Variants in DDHD1 observed in about 807,000 individuals in gnomAD.
DDHD1 encodes DDHD domain containing 1.
Under a neutral mutation model 96.4 loss-of-function variants are expected in DDHD1, and 49 were observed. The ratio of observed to expected loss-of-function variants is 0.51; its 90% CI spans 0.40 to 0.64. The LOEUF (loss-of-function observed/expected upper bound fraction) is 0.64. Ranked by LOEUF, DDHD1 falls within the 30% of genes least tolerant of loss-of-function variation. DDHD1 has a pLI of 0.00. For synonymous variants in DDHD1, 442 were observed against 446.5 expected, an observed-to-expected ratio of 0.99 and a Z score of 0.13; for missense variants, 1,106 against 1,161.2, an observed-to-expected ratio of 0.95 and a Z score of 0.69.
chr14:53,153,171 C>T lies in DDHD1; in HGVS notation c.-73G>A. ...CCCAGCGCTTCCGCCACACATTCAACGCCGCCGCCCTCTCCACCCGAAGTT... is the reference window on the plus strand; with the variant it reads ...CCCAGCGCTTCCGCCACACATTCAATGCCGCCGCCCTCTCCACCCGAAGTT... On this transcript the variant is annotated 5_prime_UTR_variant, in exon 1 of 13. Transcript: ENST00000673822. The T allele has an allele frequency of 8.2e-7, 1 of 1,223,324 alleles. No individual in the cohort carries two copies. 75.8% of individuals were successfully genotyped at this position (1,223,324 alleles called of 1,614,324 possible). A position where few individuals can be genotyped will look rare whatever the true frequency, so the allele number is the denominator to read the frequency against.
chr14:53,139,446 C>T (rs985496874), intron 1 of DDHD1, among the ~76,000 whole-genome samples: 1 of 152,130 alleles, frequency 6.6e-6, no homozygotes, highest in Non-Finnish European at 1.5e-5. Flanking sequence ...GCCCTCTACT[C>T]GAAATGCAAG....
rs543744589 is a variant in DDHD1, at chr14:53,113,259, C to A, written c.839-9403G>T. On this transcript the variant is annotated intron_variant, in intron 1 of 12. Coordinates refer to ENST00000673822, the MANE Select transcript of DDHD1 (RefSeq NM_001160148.2). ...CTGGGATTACAGGCATATGCCACGA[C>A]GCCTGGCCATCTTTCACTATTTTTT... is the stretch of plus-strand genomic sequence containing the variant. Among the ~76,000 whole-genome samples, 9 of 151,790 alleles carry A rather than the reference C, an allele frequency of 5.9e-5. No individual in the cohort carries two copies. The South Asian group carries it at 1.7e-3, about 28-fold the overall frequency.
chr14:53,137,392 G>C (rs1173418709), intron 1 of DDHD1, among the ~76,000 whole-genome samples: 1 of 151,122 alleles, frequency 6.6e-6, no homozygotes, highest in Admixed American at 6.6e-5. Flanking sequence ...AGGAGTTTGA[G>C]AGCAGCCTGG....
intron 8 of DDHD1, among the ~76,000 whole-genome samples, chr14:53,059,167 G>A (rs978126508): frequency 2.0e-5 from 3 of 152,200 alleles, no homozygotes; most frequent in African/African-American, 7.2e-5. Flanking sequence ...ATTGGTGCTG[G>A]AAAGAATAAC....
chr14:53,145,701 C>T (rs1890935385), intron 1 of DDHD1, among the ~76,000 whole-genome samples: 2 of 151,980 alleles, frequency 1.3e-5, no homozygotes, highest in Admixed American at 1.3e-4. Flanking sequence ...GCTTAACTCT[C>T]CATTATTTGG....
At chr14:53,152,144 C>CGTATCATTAAAAAAAA in intron 1 of DDHD1, 117 bp downstream of exon 1, 1 of 1,078,264 alleles carries the variant, frequency 9.3e-7, no homozygotes, top group Non-Finnish European at 1.3e-6. Flanking sequence ...CTGCCCCAGC[C>CGTATCATTAAAAAAAA]AAACGCCAGG....
intron 12 of DDHD1, among the ~76,000 whole-genome samples, chr14:53,049,996 G>T (rs2139817388): frequency 6.6e-6 from 1 of 152,252 alleles, no homozygotes; most frequent in Non-Finnish European, 1.5e-5. Context: ...TCAGTAGCGT[G>T]CTTTCATCAG....
At chr14:53,101,651 C>G (rs1887307972) in intron 2 of DDHD1, among the ~76,000 whole-genome samples, 1 of 151,982 alleles carries the variant, frequency 6.6e-6, no homozygotes, top group African/African-American at 2.4e-5. Context: ...CTGATATATA[C>G]ACTCACACAT....
At chr14:53,114,138 A>C (rs1888360017) in intron 1 of DDHD1, among the ~76,000 whole-genome samples, 1 of 152,208 alleles carries the variant, frequency 6.6e-6, no homozygotes, top group South Asian at 2.1e-4. Flanking sequence ...ACAGCGGGGC[A>C]AAGCGGCTGT....
Position 53,093,302 on chromosome 14 carries a change from T to A in DDHD1, c.1141+14A>T. On this transcript the variant is annotated intron_variant, in intron 3 of 12. Coordinates refer to ENST00000673822, the MANE Select transcript of DDHD1 (RefSeq NM_001160148.2). ...CCAAAATTTTGATAAGCTCTAGTAATATTTAACAATTACCTTTAGAAAATC... is the reference window on the plus strand; with the variant it reads ...CCAAAATTTTGATAAGCTCTAGTAAAATTTAACAATTACCTTTAGAAAATC... The A allele has an allele frequency of 6.2e-7, 1 of 1,601,136 alleles. No homozygotes were observed. Among genetic ancestry groups the A allele is most frequent in the Non-Finnish European group, 8.5e-7 (1 of 1,176,808 alleles).
intron 1 of DDHD1, among the ~76,000 whole-genome samples, chr14:53,113,349 CTTTT>C (rs111843777): frequency 0.011 from 1,207 of 107,026 alleles, 18 homozygotes; most frequent in African/African-American, 0.048. Context: ...TTTTCTTTTT[CTTTT>C]TTTTTTCTTT....
Position 53,045,567 on chromosome 14 carries a change from A to C in DDHD1, c.*1201T>G, listed in dbSNP as rs752214225. The C allele has an allele frequency of 1.3e-5, 2 of 152,206 alleles. No homozygotes were observed. The highest frequency in any genetic ancestry group is 4.8e-5 in the African/African-American group (2 of 41,456). 9.4% of individuals were successfully genotyped at this position (152,206 alleles called of 1,614,324 possible). ...TTTCTGATGTAATCTAATTCATGGC[A>C]CTTTAAATGTTTTGGTGCCTTGGTG... On this transcript the variant is annotated 3_prime_UTR_variant, in exon 13 of 13. Transcript: ENST00000673822.
At chr14:53,101,434 A>C (rs982829674) in intron 2 of DDHD1, among the ~76,000 whole-genome samples, 1 of 152,126 alleles carries the variant, frequency 6.6e-6, no homozygotes, top group African/African-American at 2.4e-5. Flanking sequence ...ATAACAGAAC[A>C]TGCTGAATCT....
intron 1 of DDHD1, among the ~76,000 whole-genome samples, chr14:53,104,490 C>A (rs1338307568): frequency 3.9e-5 from 6 of 152,090 alleles, no homozygotes; most frequent in African/African-American, 1.4e-4. Context: ...AAAATCCAGA[C>A]TAGTGTTTAG....
At chr14:53,075,725 ACT>A (rs1401102395) in intron 4 of DDHD1, among the ~76,000 whole-genome samples, 2 of 152,024 alleles carry the variant, frequency 1.3e-5, no homozygotes, top group Admixed American at 6.6e-5. Context: ...GGACAGGCTG[ACT>A]CTCTTGTGAA....
chr14:53,094,040 G>A (rs1886664918), intron 2 of DDHD1, among the ~76,000 whole-genome samples: 1 of 152,120 alleles, frequency 6.6e-6, no homozygotes, highest in South Asian at 2.1e-4. Context: ...AGCCGGGTGT[G>A]GTGGCGGGCG....
chr14:53,077,664 T>C (rs1885085788), intron 4 of DDHD1, among the ~76,000 whole-genome samples: 1 of 53,938 alleles, frequency 1.9e-5, no homozygotes, highest in African/African-American at 4.5e-5. Context: ...TTAGTTTTTG[T>C]TTTTGTTTTT....
chr14:53,048,175 T>C (rs1279122761), intron 12 of DDHD1, among the ~76,000 whole-genome samples: 1 of 152,168 alleles, frequency 6.6e-6, no homozygotes, highest in Non-Finnish European at 1.5e-5. Flanking sequence ...GCTTATACAG[T>C]TGTTATTTTT....
chr14:53,050,006 G>C (rs1009498474), intron 12 of DDHD1, among the ~76,000 whole-genome samples: 20 of 152,274 alleles, frequency 1.3e-4, no homozygotes, highest in Non-Finnish European at 2.8e-4. Flanking sequence ...GCTTTCATCA[G>C]AGAATTCTTT....
Sources: gnomAD v4.1 joint callset for allele counts (sites outside exome capture counted in the v4.1 genomes callset) on GRCh38, gnomAD v4.1.1 for gene constraint, MANE v1.5 for transcripts, NCBI Gene and HGNC (gene_info 2026-07-23, HGNC 2026-07-21) for gene names.